Variants in CYRIB observed in about 807,000 individuals in gnomAD.
CYRIB encodes the protein CYFIP-related Rac1 interactor B.
CYRIB carries 8 observed loss-of-function variants against 44.2 expected under a neutral mutation model. The ratio of observed to expected loss-of-function variants is 0.18; its 90% confidence interval spans 0.11 to 0.33. CYRIB has a LOEUF of 0.33. Ranked by LOEUF, CYRIB falls within the 10% of genes least tolerant of loss-of-function variation. The probability of loss-of-function intolerance (pLI) is 1.00; values close to 1 mark genes in which losing one functional copy is unlikely to be tolerated. For synonymous variants in CYRIB, 131 were observed against 127.2 expected (o/e 1.03, Z -0.20); for missense variants, 185 against 382.8 (o/e 0.48, Z 4.31).
chr8:129,991,780 T>C (rs1426858752), intron 1 of CYRIB, among the ~76,000 whole-genome samples: 2 of 150,930 alleles, frequency 1.3e-5, no homozygotes, highest in Admixed American at 6.6e-5. Flanking sequence ...TGAAACCTTG[T>C]CTCTACCAAA....
chr8:129,881,920 A>C (rs911383015), intron 2 of CYRIB, among the ~76,000 whole-genome samples: 1 of 152,212 alleles, frequency 6.6e-6, no homozygotes, highest in African/African-American at 2.4e-5. Flanking sequence ...AAATCATCAC[A>C]CCCAAATAAT....
At chr8:129,968,995 T>C (rs551531258) in intron 2 of CYRIB, among the ~76,000 whole-genome samples, 1 of 140,704 alleles carries the variant, frequency 7.1e-6, no homozygotes, top group South Asian at 2.3e-4. Flanking sequence ...CATGCCACCA[T>C]TTAGCTTAAA....
intron 9 of CYRIB, 32 bp downstream of exon 11, chr8:129,850,803 T>C: frequency 1.3e-6 from 2 of 1,489,324 alleles, no homozygotes; most frequent in African/African-American, 1.4e-5. Context: ...TCAACAGCAC[T>C]GTTAAAGTGA....
chr8:129,930,541 A>G (rs2090814516), intron 1 of CYRIB, among the ~76,000 whole-genome samples: 1 of 151,752 alleles, frequency 6.6e-6, no homozygotes, highest in African/African-American at 2.4e-5. Flanking sequence ...ACACACATTT[A>G]AAATGTTAAT....
intron 1 of CYRIB, among the ~76,000 whole-genome samples, chr8:129,939,227 T>G (rs1590598620): frequency 9.0e-6 from 1 of 110,534 alleles, no homozygotes; most frequent in African/African-American, 3.6e-5. Flanking sequence ...GAAGGAGTGG[T>G]GGGAGCCAGG....
exon 6 of CYRIB, chr8:129,855,727 G>A: frequency 6.2e-7 from 1 of 1,613,484 alleles, no homozygotes; most frequent in Non-Finnish European, 8.5e-7. Context: ...AAGGCTCCCA[G>A]AAGACCTCTT....
At chr8:129,924,943 A>C (rs1276486025) in intron 1 of CYRIB, among the ~76,000 whole-genome samples, 1 of 152,174 alleles carries the variant, frequency 6.6e-6, no homozygotes, top group African/African-American at 2.4e-5. Flanking sequence ...CTTTAGTATA[A>C]TCGTCAAATT....
intron 2 of CYRIB, among the ~76,000 whole-genome samples, chr8:129,892,230 T>G (rs539827477): frequency 6.6e-6 from 1 of 152,280 alleles, no homozygotes; most frequent in South Asian, 2.1e-4. Context: ...AATACAGAAG[T>G]TTCTGGAATG....
At chr8:129,924,977 C>T (rs2086605596) in intron 1 of CYRIB, among the ~76,000 whole-genome samples, 1 of 152,138 alleles carries the variant, frequency 6.6e-6, no homozygotes. Context: ...GTTAGTTTCT[C>T]TGCTTTCCCA....
chr8:129,965,011 C>T (rs1256790675), intron 2 of CYRIB, among the ~76,000 whole-genome samples: 2 of 152,176 alleles, frequency 1.3e-5, no homozygotes, highest in African/African-American at 2.4e-5. Flanking sequence ...CATCCTTACC[C>T]GTGTGATCTG....
At chr8:129,851,679 A>T (rs2043328655) in intron 8 of CYRIB, 1 of 152,580 alleles carries the variant, frequency 6.6e-6, no homozygotes, top group Admixed American at 6.5e-5. Context: ...GTGGTGGCAC[A>T]TGCCTGTAAC....
chr8:130,016,742 G>T (rs1457879259), upstream of CYRIB: 1 of 149,612 alleles, frequency 6.7e-6, no homozygotes, highest in African/African-American at 2.4e-5. Context: ...ACCGCCCCGC[G>T]CCGGCCCCCA....
chr8:129,979,568 A>G (rs891569638), intron 1 of CYRIB, among the ~76,000 whole-genome samples: 9 of 152,146 alleles, frequency 5.9e-5, no homozygotes, highest in African/African-American at 2.2e-4. Flanking sequence ...AGATATTGCT[A>G]TAATACTGGG....
At chr8:129,977,778 C>T (rs1461219398) in intron 1 of CYRIB, among the ~76,000 whole-genome samples, 10 of 152,166 alleles carry the variant, frequency 6.6e-5, no homozygotes, top group South Asian at 2.1e-4. Flanking sequence ...GTGATCTGCC[C>T]GCCTTGGCCT....
intron 3 of CYRIB, 78 bp from the exon 6 acceptor site, chr8:129,871,574 C>T (rs894026461): frequency 6.8e-7 from 1 of 1,465,422 alleles, no homozygotes; most frequent in Non-Finnish European, 9.2e-7. Flanking sequence ...AAGCAATTAA[C>T]AACCCAAATT....
chr8:129,898,491 GA>G (rs1364720467), intron 2 of CYRIB, among the ~76,000 whole-genome samples: 1 of 152,198 alleles, frequency 6.6e-6, no homozygotes, highest in Non-Finnish European at 1.5e-5. Context: ...CGGATGTTAA[GA>G]AATGTTCTTA....
chr8:129,931,267 T>C (rs1045962843), intron 1 of CYRIB, among the ~76,000 whole-genome samples: 11 of 152,170 alleles, frequency 7.2e-5, no homozygotes, highest in Admixed American at 2.6e-4. Context: ...CCTGAAAATG[T>C]TCTTAATTTA....
intron 1 of CYRIB, among the ~76,000 whole-genome samples, chr8:130,007,886 C>T (rs192961649): frequency 3.3e-5 from 5 of 151,836 alleles, no homozygotes; most frequent in Non-Finnish European, 4.4e-5. Flanking sequence ...CAGAAACCCA[C>T]GACGTGATCC....
chr8:129,917,672 C>A (rs2136817976), intron 1 of CYRIB, among the ~76,000 whole-genome samples: 1 of 152,234 alleles, frequency 6.6e-6, no homozygotes, highest in African/African-American at 2.4e-5. Flanking sequence ...GCCTGACCAA[C>A]ATGGTGAAAC....
Sources: allele counts gnomAD v4.1 joint callset (sites outside exome capture counted in the v4.1 genomes callset), GRCh38; gene constraint gnomAD v4.1.1; transcripts MANE v1.5; gene names NCBI Gene and HGNC (gene_info 2026-07-23, HGNC 2026-07-21).